The following GPHN variants were observed in gnomAD, a reference collection of about 807,000 sequenced individuals.
GPHN encodes the protein gephyrin.
GPHN carries 17 observed loss-of-function variants against 95.5 expected under a neutral mutation model. That is an observed-to-expected ratio of 0.18 (90% confidence interval 0.12 to 0.27). The LOEUF (loss-of-function observed/expected upper bound fraction) is 0.27. GPHN is among the 10% of genes least tolerant of loss of function. The probability of loss-of-function intolerance (pLI) is 1.00; values close to 1 mark genes in which losing one functional copy is unlikely to be tolerated. For synonymous variants in GPHN, 320 were observed against 322.5 expected, an observed-to-expected ratio of 0.99 and a Z score of 0.08; for missense variants, 660 against 978.1, an observed-to-expected ratio of 0.67 and a Z score of 4.34.
chr14:67,112,216 A>G (rs2078417862), intron 15 of GPHN, among the ~76,000 whole-genome samples: 1 of 152,090 alleles, frequency 6.6e-6, no homozygotes, highest in South Asian at 2.1e-4. Context: ...ACCCAATCCC[A>G]TCCCTAAATA....
chr14:67,538,323 C>T, the GPHN span, among the ~76,000 whole-genome samples: 1 of 152,198 alleles, frequency 6.6e-6, no homozygotes, highest in Non-Finnish European at 1.5e-5. Context: ...CTCCTTAGCT[C>T]TATGCAAGGC....
At chr14:67,334,185 T>TAACA in the GPHN span, 3 of 152,494 alleles carry the variant, frequency 2.0e-5, no homozygotes, top group East Asian at 1.9e-4. Flanking sequence ...GTTTTTAACC[T>TAACA]AACAAGGTCT....
chr14:67,152,330 G>T lies in GPHN; in HGVS notation c.1837-7085G>T, dbSNP rs2081329724. 2.0e-5 allele frequency among the ~76,000 whole-genome samples: 3 copies of T among 152,094 alleles called. 1 individual carries two copies. In the South Asian group the frequency reaches 6.2e-4, roughly 32 times the overall value. ...TATTGAACCTTCACTATATCATTAT[G>T]ATTTTTCTTTAAATGATAAATTACT... On this transcript the variant is annotated intron_variant, in intron 18 of 22. Coordinates refer to ENST00000478722, the MANE Select transcript of GPHN (RefSeq NM_020806.5).
intron 2 of GPHN, among the ~76,000 whole-genome samples, chr14:66,699,520 G>A (rs1207558788): frequency 6.6e-6 from 1 of 152,114 alleles, no homozygotes; most frequent in Non-Finnish European, 1.5e-5. Flanking sequence ...TTATGTCTTT[G>A]TGAGTATATA....
At chr14:67,223,982 A>G in the GPHN span, 6 of 984,826 alleles carry the variant, frequency 6.1e-6, no homozygotes, top group Non-Finnish European at 7.2e-6. Flanking sequence ...GGAAATCAGA[A>G]TAATAACTGC....
the GPHN span, among the ~76,000 whole-genome samples, chr14:67,400,499 A>G: frequency 6.6e-6 from 1 of 152,150 alleles, no homozygotes; most frequent in Non-Finnish European, 1.5e-5. Context: ...TCAGGTCCCC[A>G]TTTCCTATGA....
chr14:67,480,023 G>A, the GPHN span, among the ~76,000 whole-genome samples: 5 of 152,202 alleles, frequency 3.3e-5, no homozygotes, highest in African/African-American at 1.2e-4. Context: ...GTGCCTCAGG[G>A]TCCTTGTAGG....
At chr14:66,813,780 A>G (rs575967931) in intron 3 of GPHN, among the ~76,000 whole-genome samples, 1 of 152,188 alleles carries the variant, frequency 6.6e-6, no homozygotes, top group Non-Finnish European at 1.5e-5. Context: ...CTTGCGCAAC[A>G]GACAGGGCTG....
intron 4 of GPHN, among the ~76,000 whole-genome samples, chr14:66,864,117 G>T (rs1413816472): frequency 2.0e-5 from 3 of 151,964 alleles, no homozygotes; most frequent in African/African-American, 7.3e-5. Flanking sequence ...CAACTCTATA[G>T]GAAAAAGATC....
At position 67,023,700 on chromosome 14, in the gene GPHN, G is replaced by A. The variant is rs769856714; in HGVS notation, c.1006+25G>A. Reference sequence around the variant, plus strand: ...AGTAAGTATTTTACCATTTCTGGTGGGCTGCTGAACTAGAGCTTATAAAGC... The same window carrying A: ...AGTAAGTATTTTACCATTTCTGGTGAGCTGCTGAACTAGAGCTTATAAAGC... On this transcript the variant is annotated intron_variant, in intron 10 of 22. Coordinates refer to ENST00000478722, the MANE Select transcript of GPHN (RefSeq NM_020806.5). The A allele has an allele frequency of 1.9e-5, 31 of 1,591,742 alleles. No individual in the cohort carries two copies. The Admixed American group carries it at 5.2e-4, about 27-fold the overall frequency.
intron 1 of GPHN, among the ~76,000 whole-genome samples, chr14:66,565,804 T>C (rs2060439433): frequency 6.6e-6 from 1 of 152,178 alleles, no homozygotes; most frequent in South Asian, 2.1e-4. Context: ...AACTTACTTT[T>C]TGCAATTTTA....
chr14:67,073,321 T>C (rs527358930), intron 11 of GPHN, among the ~76,000 whole-genome samples: 1 of 152,286 alleles, frequency 6.6e-6, no homozygotes, highest in South Asian at 2.1e-4. Context: ...ACGTAAGTGC[T>C]ACCCATTTAT....
At chr14:67,194,105 A>C in the GPHN span, among the ~76,000 whole-genome samples, 9 of 152,128 alleles carry the variant, frequency 5.9e-5, no homozygotes, top group Admixed American at 2.0e-4. Flanking sequence ...ACTCACACCT[A>C]TAATCCTAGC....
At chr14:67,214,825 A>G in the GPHN span, among the ~76,000 whole-genome samples, 1 of 152,018 alleles carries the variant, frequency 6.6e-6, no homozygotes. Context: ...ATTTATTTGT[A>G]TCCTCTTTGA....
chr14:67,351,420 A>G, the GPHN span, among the ~76,000 whole-genome samples: 2 of 152,372 alleles, frequency 1.3e-5, no homozygotes, highest in Non-Finnish European at 2.9e-5. Flanking sequence ...TAATCATTTT[A>G]GGTCTTTTCT....
At chr14:66,594,627 A>G (rs929303295) in intron 1 of GPHN, among the ~76,000 whole-genome samples, 4 of 152,196 alleles carry the variant, frequency 2.6e-5, no homozygotes, top group Non-Finnish European at 5.9e-5. Flanking sequence ...CAGAAGAATA[A>G]TATTAGACTC....
At chr14:67,182,301 C>T (rs2083337821), downstream of GPHN, among the ~76,000 whole-genome samples, 1 of 152,052 alleles carries the variant, frequency 6.6e-6, no homozygotes, top group Non-Finnish European at 1.5e-5. Flanking sequence ...ATACTGTATC[C>T]ACAATGGATC....
At chr14:66,801,810 C>A (rs1036813510) in intron 3 of GPHN, among the ~76,000 whole-genome samples, 3 of 149,384 alleles carry the variant, frequency 2.0e-5, no homozygotes, top group African/African-American at 7.5e-5. Context: ...CGCTCCCGCT[C>A]CCTCTCCCTC....
chr14:66,961,509 A>G (rs767889801), intron 8 of GPHN, among the ~76,000 whole-genome samples: 1 of 151,946 alleles, frequency 6.6e-6, no homozygotes, highest in Non-Finnish European at 1.5e-5. Context: ...TTCACACTAG[A>G]TACAACTGCT....
Sources: allele counts gnomAD v4.1 joint callset (sites outside exome capture counted in the v4.1 genomes callset), GRCh38; gene constraint gnomAD v4.1.1; transcripts MANE v1.5; gene names NCBI Gene and HGNC (gene_info 2026-07-23, HGNC 2026-07-21).